Variants in TSPAN9 observed in about 807,000 individuals in gnomAD.
The protein encoded by TSPAN9 is tetraspanin 9, also known as tetraspanin-9.
Under a neutral mutation model 31.0 loss-of-function variants are expected in TSPAN9, and 16 were observed. The observed-to-expected ratio is 0.52, with a 90% CI of 0.35 to 0.78. TSPAN9 has a LOEUF of 0.78. TSPAN9 is among the 30% of genes least tolerant of loss of function. The pLI, the probability that TSPAN9 is intolerant of heterozygous loss-of-function variation, is 0.01. For missense variants in TSPAN9, 272 were observed against 312.5 expected (o/e 0.87, Z 0.98); for synonymous variants, 145 against 121.6 (o/e 1.19, Z -1.27).
At chr12:3,217,134 G>A (rs1040064546) in intron 3 of TSPAN9, among the ~76,000 whole-genome samples, 2 of 152,154 alleles carry the variant, frequency 1.3e-5, no homozygotes, top group African/African-American at 4.8e-5. Context: ...GCTGCTATTC[G>A]TGGCTCTTTC....
chr12:3,191,031 G>A (rs2098364101), intron 2 of TSPAN9, among the ~76,000 whole-genome samples: 1 of 152,146 alleles, frequency 6.6e-6, no homozygotes, highest in South Asian at 2.1e-4. Flanking sequence ...CTTCCTGGAG[G>A]AGGTGACAGC....
chr12:3,167,804 T>C (rs1252565207), intron 2 of TSPAN9, among the ~76,000 whole-genome samples: 2 of 152,000 alleles, frequency 1.3e-5, no homozygotes, highest in African/African-American at 2.4e-5. Flanking sequence ...TGACTGACTT[T>C]CCTCCGGGGG....
chr12:3,139,985 T>TC (rs2098334014), intron 2 of TSPAN9, among the ~76,000 whole-genome samples: 1 of 152,218 alleles, frequency 6.6e-6, no homozygotes, highest in Non-Finnish European at 1.5e-5. Context: ...CCTGGGCAGA[T>TC]CCACTCTCCC....
chr12:3,239,845 G>C (rs901288170), intron 3 of TSPAN9, among the ~76,000 whole-genome samples: 4 of 152,064 alleles, frequency 2.6e-5, no homozygotes, highest in Non-Finnish European at 5.9e-5. Flanking sequence ...GAGTGCAGGG[G>C]AGGAAAACAG....
chr12:3,088,970 C>T (rs898635388), intron 2 of TSPAN9, among the ~76,000 whole-genome samples: 8 of 151,816 alleles, frequency 5.3e-5, no homozygotes, highest in Non-Finnish European at 1.2e-4. Context: ...TGATGGCTCA[C>T]GCCTGTAATC....
rs79850181 is a variant in TSPAN9 at position 3,108,568 on chromosome 12, C to A, written c.-18+24849C>A. Among the ~76,000 whole-genome samples the A allele has an allele frequency of 9.3e-3, 1,412 of 152,266 alleles. 28 individuals carry two copies. Among genetic ancestry groups the A allele is most frequent in the African/African-American group, 0.032 (1,337 of 41,520 alleles). ...GGCTCGACTTTCATCCACTGTGGAT[C>A]CTTTCGATCTTGAAACACCCACTGT... is the stretch of plus-strand genomic sequence containing the variant. On this transcript the variant is annotated intron_variant, in intron 2 of 8. Transcript: ENST00000011898.
At position 3,277,813 on chromosome 12, in the gene TSPAN9, C is replaced by T. The variant is rs182399694; in HGVS notation, c.64-608C>T. 3.3e-5 allele frequency among the ~76,000 whole-genome samples: 5 copies of T among 152,290 alleles called. No individual in the cohort carries two copies. The East Asian group carries it at 7.7e-4, about 24-fold the overall frequency. ...AAGGCAGCCGTGGACTCCCACGTCC[C>T]GCACACTGGCCAGGCCCCCAGCCAG... On this transcript the variant is annotated intron_variant, in intron 3 of 8. Coordinates refer to ENST00000011898, the MANE Select transcript of TSPAN9 (RefSeq NM_006675.5).
At chr12:3,081,881 A>G (rs1178209370) in intron 1 of TSPAN9, among the ~76,000 whole-genome samples, 1 of 133,072 alleles carries the variant, frequency 7.5e-6, no homozygotes, top group Admixed American at 7.5e-5. Context: ...ACACCTGTGG[A>G]CCTATGGTCC....
intron 1 of TSPAN9, among the ~76,000 whole-genome samples, chr12:3,078,226 C>CG (rs1273167878): frequency 6.6e-6 from 1 of 152,014 alleles, no homozygotes. Context: ...ATCACCAAAA[C>CG]GGGGGGTAAG....
chr12:3,268,142 G>A (rs948135079), intron 3 of TSPAN9, among the ~76,000 whole-genome samples: 1 of 151,612 alleles, frequency 6.6e-6, no homozygotes, highest in African/African-American at 2.4e-5. Flanking sequence ...CGTAGGTGCT[G>A]CAGCCTGCCC....
intron 2 of TSPAN9, among the ~76,000 whole-genome samples, chr12:3,157,592 A>T (rs2098342916): frequency 6.6e-6 from 1 of 152,230 alleles, no homozygotes; most frequent in Non-Finnish European, 1.5e-5. Context: ...TTTGGCATAT[A>T]GTAGACATTG....
At chr12:3,193,695 G>A (rs2098365644) in intron 2 of TSPAN9, among the ~76,000 whole-genome samples, 1 of 152,248 alleles carries the variant, frequency 6.6e-6, no homozygotes, top group Admixed American at 6.5e-5. Flanking sequence ...GCTCCTGGCT[G>A]TGCTCCGTGG....
At chr12:3,139,200 A>G (rs10744595) in intron 2 of TSPAN9, among the ~76,000 whole-genome samples, 146,252 of 152,310 alleles carry the variant, frequency 0.96, 70,517 homozygotes, top group East Asian at 1. Context: ...GGAAGGCTCA[A>G]CTTGTTTCCT....
chr12:3,209,221 TGA>T (rs1242817210), intron 3 of TSPAN9, among the ~76,000 whole-genome samples: 1 of 136,482 alleles, frequency 7.3e-6, no homozygotes, highest in Non-Finnish European at 1.6e-5. Flanking sequence ...GGCGACAGAG[TGA>T]GACTCCATCT....
intron 3 of TSPAN9, among the ~76,000 whole-genome samples, chr12:3,239,271 C>T (rs3782803): frequency 0.32 from 48,969 of 151,874 alleles, 7,966 homozygotes; most frequent in South Asian, 0.4. Context: ...TTGCTGGGAA[C>T]GCTGGGCAGG....
At chr12:3,219,287 C>T (rs747473047) in intron 3 of TSPAN9, among the ~76,000 whole-genome samples, 39 of 152,298 alleles carry the variant, frequency 2.6e-4, no homozygotes, top group Admixed American at 1.2e-3. Flanking sequence ...CTGCCCTGTG[C>T]GGTTGTTGAG....
chr12:3,224,911 A>C (rs114165121), intron 3 of TSPAN9, among the ~76,000 whole-genome samples: 5,609 of 152,114 alleles, frequency 0.037, 344 homozygotes, highest in African/African-American at 0.13. Context: ...TGTGGTCAGG[A>C]TTACAGGGCG....
chr12:3,251,619 G>GTA (rs1458862680), intron 3 of TSPAN9, among the ~76,000 whole-genome samples: 4 of 152,236 alleles, frequency 2.6e-5, no homozygotes, highest in Non-Finnish European at 5.9e-5. Context: ...TTCTAGGGCT[G>GTA]TATGTGTGGG....
intron 2 of TSPAN9, among the ~76,000 whole-genome samples, chr12:3,101,429 G>A (rs2098311801): frequency 6.6e-6 from 1 of 152,072 alleles, no homozygotes; most frequent in Admixed American, 6.5e-5. Context: ...TAACCAAGAT[G>A]TTGCATGAGA....
Sources: gnomAD v4.1 joint callset for allele counts (sites outside exome capture counted in the v4.1 genomes callset) on GRCh38, gnomAD v4.1.1 for gene constraint, MANE v1.5 for transcripts, NCBI Gene and HGNC (gene_info 2026-07-23, HGNC 2026-07-21) for gene names.